The following TBXAS1 variants were observed in gnomAD, a reference collection of about 807,000 sequenced individuals.
TBXAS1 encodes thromboxane-A synthase.
In TBXAS1, 48 loss-of-function variants were observed where a neutral mutation model predicts 60.7. The ratio of observed to expected loss-of-function variants is 0.79; its 90% CI spans 0.63 to 1.01. The LOEUF is 1.01. TBXAS1 is among the 50% of genes least tolerant of loss of function. The probability of loss-of-function intolerance (pLI) is 0.00; values close to 1 mark genes in which losing one functional copy is unlikely to be tolerated. For missense variants in TBXAS1, 685 were observed against 686.3 expected, an observed-to-expected ratio of 1.00 and a Z score of 0.02; for synonymous variants, 287 against 269.7, an observed-to-expected ratio of 1.06 and a Z score of -0.63.
intron 9 of TBXAS1, among the ~76,000 whole-genome samples, chr7:139,970,317 G>GGCTA (rs1432859569): frequency 6.6e-6 from 1 of 152,170 alleles, no homozygotes; most frequent in African/African-American, 2.4e-5. Context: ...ATGTTGGACA[G>GGCTA]GCTAGTCTCG....
At chr7:139,830,751 T>C (rs566448623) in intron 1 of TBXAS1, among the ~76,000 whole-genome samples, 1 of 152,230 alleles carries the variant, frequency 6.6e-6, no homozygotes, top group South Asian at 2.1e-4. Flanking sequence ...CCATCTATCA[T>C]CTATGTAACC....
chr7:139,831,657 C>T (rs531139517), intron 1 of TBXAS1, among the ~76,000 whole-genome samples: 13 of 152,250 alleles, frequency 8.5e-5, no homozygotes, highest in East Asian at 5.8e-4. Context: ...ATGGGCTGGG[C>T]GCGGTGGCTC....
At chr7:139,944,192 G>A (rs953080737) in intron 5 of TBXAS1, among the ~76,000 whole-genome samples, 2 of 152,212 alleles carry the variant, frequency 1.3e-5, no homozygotes, top group African/African-American at 2.4e-5. Context: ...AGGAAGCAGT[G>A]AGTAGCACCG....
chr7:139,919,365 C>A (rs1806268571), intron 4 of TBXAS1, among the ~76,000 whole-genome samples: 1 of 152,180 alleles, frequency 6.6e-6, no homozygotes, highest in African/African-American at 2.4e-5. Context: ...AACAAGTTGG[C>A]TCTCTGTACT....
At chr7:139,838,976 A>C (rs1197228841) in intron 1 of TBXAS1, among the ~76,000 whole-genome samples, 1 of 152,224 alleles carries the variant, frequency 6.6e-6, no homozygotes. Context: ...CTTCTGGAGG[A>C]GATTTGATGG....
At chr7:139,806,436 T>G (rs1445921643) in intron 4 of TBXAS1, among the ~76,000 whole-genome samples, 1 of 151,228 alleles carries the variant, frequency 6.6e-6, no homozygotes, top group Non-Finnish European at 1.5e-5. Flanking sequence ...CTAATTTTTG[T>G]ATTTTTAGTA....
At chr7:139,850,277 T>C (rs532058057) in intron 1 of TBXAS1, among the ~76,000 whole-genome samples, 1 of 152,332 alleles carries the variant, frequency 6.6e-6, no homozygotes, top group South Asian at 2.1e-4. Flanking sequence ...CCATTTCCTT[T>C]TTTCCTATAA....
At chr7:139,874,829 T>C (rs1802101093) in intron 2 of TBXAS1, among the ~76,000 whole-genome samples, 3 of 152,208 alleles carry the variant, frequency 2.0e-5, no homozygotes, top group Non-Finnish European at 4.4e-5. Context: ...GCACAGTGGC[T>C]CATACCTGTA....
intron 9 of TBXAS1, among the ~76,000 whole-genome samples, chr7:139,982,729 C>G (rs778643822): frequency 6.6e-5 from 10 of 152,094 alleles, no homozygotes; most frequent in Admixed American, 2.6e-4. Flanking sequence ...TTCATGGTCC[C>G]CTAAAGGATC....
chr7:139,862,262 C>A (rs1801023917), intron 1 of TBXAS1, among the ~76,000 whole-genome samples: 1 of 151,978 alleles, frequency 6.6e-6, no homozygotes, highest in Non-Finnish European at 1.5e-5. Context: ...TGGGACTCAA[C>A]ATAAGGAAAG....
rs570661412 is a variant in TBXAS1 at position 139,887,506 on chromosome 7, T to C, written c.236+11869T>C. ...AATTTGACTACTCTAAGTACCTCAA[T>C]AAAGTGGAATCATATGGTATTTTTC... is the stretch of plus-strand genomic sequence containing the variant. On this transcript the variant is annotated intron_variant, in intron 3 of 12. Coordinates refer to ENST00000448866, the MANE Select transcript of TBXAS1 (RefSeq NM_001061.7). 1.5e-4 allele frequency among the ~76,000 whole-genome samples: 23 copies of C among 152,334 alleles called. No individual in the cohort carries two copies. The South Asian group carries it at 4.6e-3, about 30-fold the overall frequency.
intron 9 of TBXAS1, among the ~76,000 whole-genome samples, chr7:139,984,218 A>C (rs896178405): frequency 2.6e-5 from 4 of 152,214 alleles, no homozygotes; most frequent in Non-Finnish European, 4.4e-5. Flanking sequence ...TGTTAGACTG[A>C]GGGCTGGTTA....
At position 139,945,530 on chromosome 7, in the gene TBXAS1, C is replaced by T. The variant is rs116219893; in HGVS notation, c.451-7838C>T. On this transcript the variant is annotated intron_variant, in intron 5 of 12. Transcript: ENST00000448866. ...CTCAAGGAACATTTGATCAATCAGT[C>T]ATCACACAGGTATTTCTAGAAAATC... 3.5e-3 allele frequency among the ~76,000 whole-genome samples: 532 copies of T among 152,312 alleles called. 4 individuals are homozygous for T. Among genetic ancestry groups the T allele is most frequent in the African/African-American group, 0.012 (515 of 41,556 alleles).
intron 4 of TBXAS1, among the ~76,000 whole-genome samples, chr7:139,820,417 A>T (rs1462675927): frequency 6.6e-6 from 1 of 152,162 alleles, no homozygotes; most frequent in Non-Finnish European, 1.5e-5. Flanking sequence ...TGACAACCTC[A>T]TTGCTCATCT....
chr7:139,866,425 G>A (rs1801421855), intron 1 of TBXAS1, among the ~76,000 whole-genome samples: 1 of 151,996 alleles, frequency 6.6e-6, no homozygotes, highest in Non-Finnish European at 1.5e-5. Flanking sequence ...TTTTCCTTAT[G>A]TTAAATGAAA....
chr7:139,907,366 A>G (rs976278758), intron 3 of TBXAS1, among the ~76,000 whole-genome samples: 13 of 152,186 alleles, frequency 8.5e-5, no homozygotes, highest in Non-Finnish European at 1.9e-4. Flanking sequence ...TTGGACACCT[A>G]GAATAAATAC....
At chr7:140,009,567 C>T (rs1168224778) in intron 10 of TBXAS1, among the ~76,000 whole-genome samples, 1 of 150,268 alleles carries the variant, frequency 6.7e-6, no homozygotes, top group Non-Finnish European at 1.5e-5. Flanking sequence ...CACACATGCC[C>T]CACACCCGCC....
chr7:139,871,241 A>G (rs1434209069), intron 1 of TBXAS1, among the ~76,000 whole-genome samples: 3 of 152,236 alleles, frequency 2.0e-5, no homozygotes, highest in Non-Finnish European at 2.9e-5. Context: ...AGTGATTCTT[A>G]TAGCAGTAAT....
intron 1 of TBXAS1, among the ~76,000 whole-genome samples, chr7:139,842,614 C>A (rs1031823384): frequency 6.6e-6 from 1 of 152,198 alleles, no homozygotes; most frequent in Non-Finnish European, 1.5e-5. Context: ...TTACTAAGAG[C>A]CACATCTTTC....
Sources: gnomAD v4.1 joint callset for allele counts (sites outside exome capture counted in the v4.1 genomes callset) on GRCh38, gnomAD v4.1.1 for gene constraint, MANE v1.5 for transcripts, NCBI Gene and HGNC (gene_info 2026-07-23, HGNC 2026-07-21) for gene names.